Variants in MAP4K3 observed in about 807,000 individuals in gnomAD.
MAP4K3 encodes MAPK/ERK kinase kinase kinase 3.
MAP4K3 carries 94 observed loss-of-function variants against 143.5 expected under a neutral mutation model. The ratio of observed to expected loss-of-function variants is 0.65; its 90% CI spans 0.55 to 0.78. The LOEUF is 0.78. MAP4K3 is among the 30% of genes least tolerant of loss of function. MAP4K3 has a pLI of 0.00. For missense variants in MAP4K3, 1,077 were observed against 1,068.1 expected (o/e 1.01, Z -0.12); for synonymous variants, 416 against 347.2 (o/e 1.20, Z -2.20).
At chr2:39,345,022 G>A (rs1665245699) in intron 3 of MAP4K3, among the ~76,000 whole-genome samples, 1 of 152,036 alleles carries the variant, frequency 6.6e-6, no homozygotes, top group Admixed American at 6.6e-5. Context: ...TTAAAATGTG[G>A]CACCCAAAAA....
At chr2:39,251,600 T>G (rs1006288747) in intron 33 of MAP4K3, among the ~76,000 whole-genome samples, 1 of 152,246 alleles carries the variant, frequency 6.6e-6, no homozygotes, top group Non-Finnish European at 1.5e-5. Context: ...AAATCAGATG[T>G]CAGTATGTTT....
At chr2:39,391,112 T>C (rs1011589271) in intron 1 of MAP4K3, among the ~76,000 whole-genome samples, 2 of 151,822 alleles carry the variant, frequency 1.3e-5, no homozygotes, top group African/African-American at 4.8e-5. Context: ...TCCCAGCACT[T>C]TGGGAGGCCA....
chr2:39,307,576 T>C (rs1682755178), intron 15 of MAP4K3, among the ~76,000 whole-genome samples: 2 of 151,812 alleles, frequency 1.3e-5, no homozygotes, highest in African/African-American at 2.4e-5. Flanking sequence ...ATATGAATTG[T>C]TTATATATAT....
At chr2:39,382,941 G>A (rs1403178973) in intron 1 of MAP4K3, among the ~76,000 whole-genome samples, 1 of 152,206 alleles carries the variant, frequency 6.6e-6, no homozygotes. Flanking sequence ...ATACAAAAGG[G>A]ATGGGGAAAA....
chr2:39,390,320 C>A (rs1183845375), intron 1 of MAP4K3, among the ~76,000 whole-genome samples: 1 of 152,086 alleles, frequency 6.6e-6, no homozygotes, highest in Non-Finnish European at 1.5e-5. Context: ...TATACACCTA[C>A]CAAAAAATGA....
At chr2:39,290,794 G>A (rs1682010762) in intron 18 of MAP4K3, among the ~76,000 whole-genome samples, 1 of 152,160 alleles carries the variant, frequency 6.6e-6, no homozygotes, top group Admixed American at 6.6e-5. Context: ...TAACGGGCCG[G>A]GCGTGGTGGC....
chr2:39,424,022 C>T lies in MAP4K3; in HGVS notation c.96+12870G>A, dbSNP rs375830130. Among the ~76,000 whole-genome samples the T allele has an allele frequency of 1.3e-4, 20 of 152,258 alleles. No homozygotes were observed. The East Asian group carries it at 3.9e-3, about 29-fold the overall frequency. On this transcript the variant is annotated intron_variant, in intron 1 of 33. Transcript: ENST00000263881. ...GCAGTGGCACGATCTCAGCTCACTG[C>T]AACCTCCGCCTCCCAGGTTCAAGCG... is the stretch of plus-strand genomic sequence containing the variant.
chr2:39,253,291 G>C (rs1020556746), intron 32 of MAP4K3, among the ~76,000 whole-genome samples: 1 of 152,116 alleles, frequency 6.6e-6, no homozygotes, highest in Admixed American at 6.5e-5. Context: ...GCGCCACCAC[G>C]CCTGGCTAAT....
At chr2:39,400,679 TG>T (rs1201055665) in intron 1 of MAP4K3, among the ~76,000 whole-genome samples, 1 of 152,054 alleles carries the variant, frequency 6.6e-6, no homozygotes, top group Non-Finnish European at 1.5e-5. Context: ...AAATTATGAC[TG>T]GAAGTCCTGC....
At chr2:39,427,464 TG>T (rs1419082805) in intron 1 of MAP4K3, among the ~76,000 whole-genome samples, 1 of 152,110 alleles carries the variant, frequency 6.6e-6, no homozygotes, top group Non-Finnish European at 1.5e-5. Flanking sequence ...AAGCACTGTC[TG>T]TATAAAACAA....
chr2:39,358,005 G>C (rs551373472), intron 2 of MAP4K3, among the ~76,000 whole-genome samples: 1 of 152,180 alleles, frequency 6.6e-6, no homozygotes, highest in Non-Finnish European at 1.5e-5. Context: ...CTCAAAGGGA[G>C]TCAGCCTTAG....
At chr2:39,366,587 T>C (rs1303029172) in intron 2 of MAP4K3, among the ~76,000 whole-genome samples, 4 of 152,224 alleles carry the variant, frequency 2.6e-5, no homozygotes, top group South Asian at 2.1e-4. Context: ...GCTTCCATCA[T>C]GGCCTGAATT....
intron 4 of MAP4K3, 123 bp from the exon 5 acceptor site, chr2:39,337,704 C>T (rs944307498): frequency 6.0e-6 from 3 of 498,704 alleles, no homozygotes; most frequent in African/African-American, 4.1e-5. Context: ...GAAATGTAAG[C>T]TAGGACTACA....
At chr2:39,366,105 C>A (rs1274424614) in intron 2 of MAP4K3, among the ~76,000 whole-genome samples, 1 of 152,126 alleles carries the variant, frequency 6.6e-6, no homozygotes, top group African/African-American at 2.4e-5. Context: ...ATATGAGTGA[C>A]CAATGGCCCA....
intron 14 of MAP4K3, 52 bp downstream of exon 14, chr2:39,309,409 C>A: frequency 7.2e-7 from 1 of 1,381,504 alleles, no homozygotes; most frequent in Non-Finnish European, 1.0e-6. Flanking sequence ...CACACAAAAA[C>A]AAATTAAAAC....
chr2:39,340,532 T>G lies in MAP4K3; in HGVS notation c.310+2856A>C, dbSNP rs555324018. Among the ~76,000 whole-genome samples the G allele has an allele frequency of 6.3e-4, 96 of 152,334 alleles. 1 individual carries two copies. The highest frequency in any genetic ancestry group is 2.9e-5 in the Non-Finnish European group (2 of 68,030). ...ATATTACTTTGTTACTTTTACCAGT[T>G]AGGTTGAAATGGAATGGTAAGAATC... is the stretch of plus-strand genomic sequence containing the variant. On this transcript the variant is annotated intron_variant, in intron 4 of 33. Coordinates refer to ENST00000263881, the MANE Select transcript of MAP4K3 (RefSeq NM_003618.4).
rs140601904 is a variant in MAP4K3 at position 39,366,196 on chromosome 2, C to T, written c.155-9857G>A. Among the ~76,000 whole-genome samples the T allele has an allele frequency of 1.6e-3, 220 of 134,010 alleles. 1 individual carries two copies. Among genetic ancestry groups the T allele is most frequent in the African/African-American group, 5.8e-3 (206 of 35,512 alleles). 87.9% of individuals were successfully genotyped at this position (134,010 alleles called of 152,430 possible). ...CTAGTTTTATACATTTTAGGAAGAC[C>T]TGAGGCATCAATCAAATACATTTAA... On this transcript the variant is annotated intron_variant, in intron 2 of 33. Coordinates refer to ENST00000263881, the MANE Select transcript of MAP4K3 (RefSeq NM_003618.4).
chr2:39,278,256 G>A lies in MAP4K3; in HGVS notation c.1794+151C>T. On this transcript the variant is annotated intron_variant, in intron 24 of 33. Coordinates refer to ENST00000263881, the MANE Select transcript of MAP4K3 (RefSeq NM_003618.4). The stretch of plus-strand genomic sequence containing the variant: ...CACTGCACTGCAGCCTGGGCAACAA[G>A]AGTGAGACTTGGTCTCAAAAAACAA... 7 of 509,736 alleles carry A rather than the reference G, an allele frequency of 1.4e-5. 1 individual carries two copies. In the South Asian group the frequency reaches 2.3e-4, roughly 17 times the overall value. The allele number at this position is 509,736 out of a possible 1,614,324, so 31.6% of individuals were successfully genotyped here.
intron 1 of MAP4K3, among the ~76,000 whole-genome samples, chr2:39,392,120 G>A (rs1666679665): frequency 7.2e-6 from 1 of 138,680 alleles, no homozygotes; most frequent in Non-Finnish European, 1.5e-5. Flanking sequence ...GGGAGGTGGA[G>A]GTTGCAGTGA....
Sources: gnomAD v4.1 joint callset for allele counts (sites outside exome capture counted in the v4.1 genomes callset) on GRCh38, gnomAD v4.1.1 for gene constraint, MANE v1.5 for transcripts, NCBI Gene and HGNC (gene_info 2026-07-23, HGNC 2026-07-21) for gene names.